PTPRE: variants seen among roughly 807,000 people sequenced by gnomAD.
PTPRE encodes the protein protein tyrosine phosphatase receptor type E, also known as receptor-type tyrosine-protein phosphatase epsilon.
A neutral mutation model predicts 102.0 loss-of-function variants in PTPRE; 51 were observed. The observed-to-expected ratio is 0.50, with a 90% confidence interval of 0.40 to 0.63. The LOEUF is 0.63. Among genes scored for constraint, PTPRE ranks in the 30% least tolerant of loss-of-function variants. The pLI, the probability that PTPRE is intolerant of heterozygous loss-of-function variation, is 0.00. For synonymous variants in PTPRE, 345 were observed against 348.2 expected, an observed-to-expected ratio of 0.99 and a Z score of 0.10; for missense variants, 752 against 915.1, an observed-to-expected ratio of 0.82 and a Z score of 2.30.
intron 2 of PTPRE, among the ~76,000 whole-genome samples, chr10:128,002,169 G>A (rs1352471350): frequency 6.6e-6 from 1 of 152,216 alleles, no homozygotes; most frequent in Non-Finnish European, 1.5e-5. Context: ...CAGAGCCTAT[G>A]TGTCTGTGGA....
intron 1 of PTPRE, among the ~76,000 whole-genome samples, chr10:127,968,345 T>A (rs1217257123): frequency 6.6e-6 from 1 of 152,148 alleles, no homozygotes; most frequent in Non-Finnish European, 1.5e-5. Context: ...CAAGTCCTCT[T>A]GTACAAGGGC....
rs183080154 is a variant in PTPRE at position 128,004,854 on chromosome 10, A to G, written c.-8+22558A>G. On this transcript the variant is annotated intron_variant, in intron 2 of 20. Coordinates refer to ENST00000254667, the MANE Select transcript of PTPRE (RefSeq NM_006504.6). The stretch of plus-strand genomic sequence containing the variant: ...TGCACCATTTGAATTCTTACCAGCA[A>G]TGTCTGGGGGTTCTAATTCTTCTAC... 1.5e-3 allele frequency among the ~76,000 whole-genome samples: 226 copies of G among 152,320 alleles called. 3 individuals carry two copies. Among genetic ancestry groups the G allele is most frequent in the African/African-American group, 5.1e-3 (210 of 41,566 alleles).
chr10:128,013,534 T>G (rs1018122341), intron 2 of PTPRE, among the ~76,000 whole-genome samples: 1 of 152,196 alleles, frequency 6.6e-6, no homozygotes, highest in African/African-American at 2.4e-5. Flanking sequence ...AGGGATGTGC[T>G]ATGATCTGAA....
intron 3 of PTPRE, 91 bp from the exon 4 acceptor site, chr10:128,047,299 T>C: frequency 1.3e-6 from 2 of 1,489,056 alleles, no homozygotes; most frequent in East Asian, 2.4e-5. Flanking sequence ...TTTGGGGTTC[T>C]GGTGTCCAGG....
At position 127,907,493 on chromosome 10, in the gene PTPRE, G is replaced by T. The variant is rs1422292194; in HGVS notation, c.-31+184G>T. On this transcript the variant is annotated intron_variant, in intron 1 of 20. Coordinates refer to ENST00000254667, the MANE Select transcript of PTPRE (RefSeq NM_006504.6). The surrounding 1 kb of genome is among the most constrained non-coding windows in gnomAD (Gnocchi z 4.8). ...CGCCCAGTACCAGCGGCTGGGGCCC[G>T]TACGACCCCCGACCCCGGCCTGTGG... Among the ~76,000 whole-genome samples, 1 of 151,710 alleles carries T rather than the reference G, an allele frequency of 6.6e-6. No homozygotes were observed. Among genetic ancestry groups the T allele is most frequent in the African/African-American group, 2.4e-5 (1 of 41,320 alleles).
chr10:128,013,125 T>C (rs1845147916), intron 2 of PTPRE, among the ~76,000 whole-genome samples: 1 of 152,156 alleles, frequency 6.6e-6, no homozygotes, highest in South Asian at 2.1e-4. Flanking sequence ...CTGTGCTGCA[T>C]TATAATTTTC....
intron 2 of PTPRE, among the ~76,000 whole-genome samples, chr10:128,024,555 G>A (rs947619497): frequency 6.6e-6 from 1 of 152,212 alleles, no homozygotes; most frequent in African/African-American, 2.4e-5. Context: ...ACGCAAATTA[G>A]AGGATTAGAG....
At chr10:128,074,928 T>C (rs1027156258) in intron 17 of PTPRE, among the ~76,000 whole-genome samples, 1 of 152,246 alleles carries the variant, frequency 6.6e-6, no homozygotes, top group African/African-American at 2.4e-5. Context: ...AACATTGTCA[T>C]TGTCTTTTTG....
chr10:127,988,040 T>C (rs528797522), intron 2 of PTPRE, among the ~76,000 whole-genome samples: 1 of 152,326 alleles, frequency 6.6e-6, no homozygotes, highest in South Asian at 2.1e-4. Flanking sequence ...GGTGGCATCA[T>C]TCATATTGGG....
rs755532941 is a variant in PTPRE, at chr10:128,056,183, G to GA, written c.488dup (p.Asn163LysfsTer10). On this transcript the variant is annotated frameshift_variant, in exon 7 of 21. Coordinates refer to ENST00000254667, the MANE Select transcript of PTPRE (RefSeq NM_006504.6). LOFTEE classifies it high-confidence loss of function. ...ACTGGCAAATAAAGAAGAAAACAGAGAAAAAAACAGATATCCCAACATCCT... is the reference window on the plus strand; with the variant it reads ...ACTGGCAAATAAAGAAGAAAACAGAGAAAAAAAACAGATATCCCAACATCCT... 3 of 1,611,482 alleles carry GA rather than the reference G, an allele frequency of 1.9e-6. No homozygotes were observed. The highest frequency in any genetic ancestry group is 2.2e-5 in the East Asian group (1 of 44,872).
intron 3 of PTPRE, among the ~76,000 whole-genome samples, chr10:128,041,816 G>A (rs899856651): frequency 2.0e-5 from 3 of 152,162 alleles, no homozygotes; most frequent in African/African-American, 7.2e-5. Flanking sequence ...AAGAGCAAGA[G>A]GGAAGTGGGG....
At chr10:127,928,628 G>A (rs975733380) in intron 1 of PTPRE, among the ~76,000 whole-genome samples, 1 of 152,116 alleles carries the variant, frequency 6.6e-6, no homozygotes, top group Admixed American at 6.5e-5. Flanking sequence ...AGGCTTATCT[G>A]GAATCCTGCA....
chr10:127,936,929 A>G (rs1847883475), intron 1 of PTPRE, among the ~76,000 whole-genome samples: 1 of 152,132 alleles, frequency 6.6e-6, no homozygotes. Flanking sequence ...GTTGCTCTCT[A>G]AAGGGCCTTA....
intron 1 of PTPRE, among the ~76,000 whole-genome samples, chr10:127,950,335 G>A (rs996711331): frequency 6.6e-6 from 1 of 152,084 alleles, no homozygotes; most frequent in Non-Finnish European, 1.5e-5. Context: ...TTTATTGGTT[G>A]GCTGAAATGT....
rs1242763774 is a variant in PTPRE, at chr10:128,070,413, C to T, written c.1256C>T (p.Thr419Ile). Residue 419 changes from threonine to isoleucine, a missense_variant, in exon 14 of 21, where the codon ACC becomes ATC. This residue lies in a region of PTPRE where 636 missense variants were observed against 824.4 expected (regional missense o/e 0.77). Coordinates refer to ENST00000254667, the MANE Select transcript of PTPRE (RefSeq NM_006504.6). This position sits in a 1 kb window ranked among gnomAD's most constrained non-coding sequence, Gnocchi z 4.8. ...CTGCAGACCATGCACGGCACCACCA[C>T]CCACTTCGACAAGATCGGGCTGGAG... ...KHLQTMHGTT[T>I]HFDKIGLEEE... The T allele has an allele frequency of 1.2e-6, 2 of 1,614,190 alleles. No individual in the cohort carries two copies. Among genetic ancestry groups the T allele is most frequent in the Admixed American group, 1.7e-5 (1 of 60,034 alleles).
At chr10:128,006,857 T>A (rs955040039) in intron 2 of PTPRE, among the ~76,000 whole-genome samples, 6 of 152,168 alleles carry the variant, frequency 3.9e-5, no homozygotes, top group Admixed American at 2.6e-4. Flanking sequence ...TTCTCTCTCC[T>A]CCTTCCAACC....
At chr10:128,071,969 C>T (rs1489126026) in intron 15 of PTPRE, 169 bp from the exon 16 acceptor site, 1 of 552,888 alleles carries the variant, frequency 1.8e-6, no homozygotes, top group Non-Finnish European at 3.2e-6. Flanking sequence ...AGAAAAATAC[C>T]CCTGAGCCAC....
In PTPRE at chr10:128,078,100, G is replaced by A. The variant is rs567081778; in HGVS notation, c.1892+317G>A. Among the ~76,000 whole-genome samples, 6 of 152,192 alleles carry A rather than the reference G, an allele frequency of 3.9e-5. No individual in the cohort carries two copies. The South Asian group carries it at 6.2e-4, about 16-fold the overall frequency. Reference sequence around the variant, plus strand: ...ATCAAAAAATTGCCAGGCAGGGCTCGGAGGAACACACTCCTGGACTTCAAG... The same window carrying A: ...ATCAAAAAATTGCCAGGCAGGGCTCAGAGGAACACACTCCTGGACTTCAAG... On this transcript the variant is annotated intron_variant, in intron 19 of 20. Transcript: ENST00000254667.
At position 127,956,412 on chromosome 10, in the gene PTPRE, AT is replaced by A. The variant is rs562748574; in HGVS notation, c.-30-25861del. 7.9e-4 allele frequency among the ~76,000 whole-genome samples: 121 copies of A among 152,296 alleles called. No individual in the cohort carries two copies. The South Asian group carries it at 0.024, about 30-fold the overall frequency. On this transcript the variant is annotated intron_variant, in intron 1 of 20. Transcript: ENST00000254667. ...CTGTGTGAACCAATCTCCCTAATAA[AT>A]CCCCTCTCATATGTCTATATATTCA... is the stretch of plus-strand genomic sequence containing the variant.
Sources: gnomAD v4.1 joint callset for allele counts (sites outside exome capture counted in the v4.1 genomes callset) on GRCh38, gnomAD v4.1.1 for gene constraint, gnomAD v4.1.1 regional missense constraint, Gnocchi (gnomAD v3.1) non-coding constraint, MANE v1.5 for transcripts, NCBI Gene and HGNC (gene_info 2026-07-23, HGNC 2026-07-21) for gene names.